Variants in TJP1 observed in about 807,000 individuals in gnomAD.
TJP1 encodes tight junction protein 1.
Under a neutral mutation model 194.2 loss-of-function variants are expected in TJP1, and 43 were observed. The observed-to-expected ratio is 0.22, with a 90% CI of 0.17 to 0.29. The LOEUF is 0.29. TJP1 is among the 10% of genes least tolerant of loss of function. The pLI is 1.00. For missense variants in TJP1, 1,971 were observed against 2,185.7 expected (o/e 0.90, Z 1.96); for synonymous variants, 801 against 779.0 (o/e 1.03, Z -0.47).
chr15:29,764,602 G>A (rs775634858), intron 5 of TJP1, among the ~76,000 whole-genome samples: 3 of 152,056 alleles, frequency 2.0e-5, no homozygotes, highest in Admixed American at 6.6e-5. Context: ...GGATAAGAGT[G>A]GTATTCAGGA....
chr15:29,778,877 T>G (rs1458664816), intron 2 of TJP1, among the ~76,000 whole-genome samples: 2 of 152,176 alleles, frequency 1.3e-5, no homozygotes, highest in East Asian at 3.9e-4. Context: ...CTGGGGCACA[T>G]GTACACACTT....
intron 2 of TJP1, among the ~76,000 whole-genome samples, chr15:29,918,854 C>A (rs141492719): frequency 6.6e-6 from 1 of 152,200 alleles, no homozygotes; most frequent in African/African-American, 2.4e-5. Flanking sequence ...AGATAATAAT[C>A]AATGAAGATG....
chr15:29,801,442 TAG>T (rs753392092), intron 1 of TJP1, among the ~76,000 whole-genome samples: 1 of 150,050 alleles, frequency 6.7e-6, no homozygotes, highest in Non-Finnish European at 1.5e-5. Context: ...AGCCTCTCAA[TAG>T]AGAGGAAAAT....
intron 2 of TJP1, among the ~76,000 whole-genome samples, chr15:29,911,413 T>TA (rs781565677): frequency 6.6e-6 from 1 of 152,180 alleles, no homozygotes; most frequent in Non-Finnish European, 1.5e-5. Context: ...CATGTTTCTA[T>TA]AAAAAACTAC....
chr15:29,811,759 TG>T (rs956039754), intron 1 of TJP1, among the ~76,000 whole-genome samples: 2 of 152,142 alleles, frequency 1.3e-5, no homozygotes, highest in Non-Finnish European at 2.9e-5. Flanking sequence ...ACAGGCTGAT[TG>T]ATCTTTGTCC....
At chr15:29,878,552 A>T (rs1000811960) in intron 2 of TJP1, among the ~76,000 whole-genome samples, 8 of 152,288 alleles carry the variant, frequency 5.3e-5, no homozygotes, top group African/African-American at 1.9e-4. Context: ...CCCATAGTTC[A>T]GTATATGACA....
At chr15:29,966,202 C>T (rs2056326826) in intron 1 of TJP1, among the ~76,000 whole-genome samples, 1 of 152,158 alleles carries the variant, frequency 6.6e-6, no homozygotes, top group African/African-American at 2.4e-5. Context: ...ATTATTCCCA[C>T]ATCTTGATTT....
At chr15:29,961,307 T>TACA (rs2056147363) in intron 1 of TJP1, among the ~76,000 whole-genome samples, 2 of 150,124 alleles carry the variant, frequency 1.3e-5, no homozygotes, top group African/African-American at 4.9e-5. Flanking sequence ...ATATTTAGCT[T>TACA]ACAATGAGGT....
chr15:29,827,472 A>T (rs187088991), upstream of TJP1, among the ~76,000 whole-genome samples: 1 of 152,010 alleles, frequency 6.6e-6, no homozygotes, highest in Non-Finnish European at 1.5e-5. Flanking sequence ...TGGGGATGGG[A>T]TCCTCTCCCT....
intron 3 of TJP1, 124 bp downstream of exon 3, chr15:29,773,109 G>A: frequency 8.6e-7 from 1 of 1,159,274 alleles, no homozygotes; most frequent in Non-Finnish European, 1.2e-6. Context: ...AAAAATATAT[G>A]AAGCATGGCA....
intron 2 of TJP1, among the ~76,000 whole-genome samples, chr15:29,904,996 A>C (rs1455980652): frequency 6.6e-6 from 1 of 152,208 alleles, no homozygotes; most frequent in East Asian, 1.9e-4. Context: ...TGGAACCTTT[A>C]GAGGAAGCAT....
chr15:29,772,292 C>T (rs1383315), intron 3 of TJP1, 126 bp from the exon 4 acceptor site: 478,405 of 580,838 alleles, frequency 0.82, 197,990 homozygotes, highest in East Asian at 0.86. Flanking sequence ...AATTTCTCTT[C>T]AGATCAATGA....
chr15:29,726,840 G>A lies in TJP1; in HGVS notation c.2252C>T (p.Ala751Val). 1.2e-6 allele frequency: 2 copies of A among 1,614,008 alleles called. No individual in the cohort carries two copies. The highest frequency in any genetic ancestry group is 1.7e-6 in the Non-Finnish European group (2 of 1,180,006). ...MRLCPESRKS[A>V]RKLYERSHKL... ...ATGAGATCGCTCGTATAACTTCCTG[G>A]CACTTTTCCGAGATTCTGGACATAA... Residue 751 changes from alanine (A) to valine (V), a missense_variant, in exon 17 of 28, where the codon GCC (alanine) becomes GTC (valine). Physicochemically the swap from Ala to Val is moderately conservative, Grantham distance 64. Around this residue, in one of 5 missense-constraint regions of TJP1, gnomAD observed 402 missense variants for 484.2 expected, o/e 0.83. Coordinates refer to ENST00000614355, the MANE Select transcript of TJP1 (RefSeq NM_001330239.4).
chr15:29,882,205 A>C (rs2052960089), intron 2 of TJP1, among the ~76,000 whole-genome samples: 1 of 152,136 alleles, frequency 6.6e-6, no homozygotes, highest in Admixed American at 6.6e-5. Context: ...CTTCATCAGC[A>C]CACTTACCCC....
At chr15:29,708,501 C>T in intron 25 of TJP1, 58 bp downstream of exon 25, 1 of 1,387,162 alleles carries the variant, frequency 7.2e-7, no homozygotes, top group South Asian at 1.3e-5. Flanking sequence ...TAAACTACAA[C>T]AAACTCACAT....
intron 8 of TJP1, among the ~76,000 whole-genome samples, chr15:29,748,608 T>C (rs2044989902): frequency 1.4e-5 from 2 of 141,948 alleles, no homozygotes; most frequent in Non-Finnish European, 3.0e-5. Context: ...AGGGTCTCAA[T>C]GTTGCCCTGG....
In TJP1 at chr15:29,710,828, T is replaced by C. The variant is rs1335529028; in HGVS notation, c.4372+3A>G. 8.7e-6 allele frequency: 14 copies of C among 1,613,820 alleles called. No individual in the cohort carries two copies. Among genetic ancestry groups the C allele is most frequent in the Non-Finnish European group, 1.2e-5 (14 of 1,180,044 alleles). On this transcript the variant is annotated splice_donor_region_variant and intron_variant, in intron 24 of 27. Transcript: ENST00000614355. ...TTAAAATGTCTACTTCCGAACTTCC[T>C]ACCTTCACCATGTGCTCCCTTAGAA...
intron 2 of TJP1, among the ~76,000 whole-genome samples, chr15:29,843,742 A>G (rs904888054): frequency 2.0e-5 from 3 of 152,156 alleles, no homozygotes; most frequent in African/African-American, 7.2e-5. Context: ...GTGAAGGAGG[A>G]GGATAGGGCA....
At chr15:29,793,578 G>A (rs962360090) in intron 2 of TJP1, among the ~76,000 whole-genome samples, 5 of 152,144 alleles carry the variant, frequency 3.3e-5, no homozygotes, top group Admixed American at 2.6e-4. Flanking sequence ...AGGGCAGAAG[G>A]CAACAGGGGA....
Sources: allele counts gnomAD v4.1 joint callset (sites outside exome capture counted in the v4.1 genomes callset), GRCh38; gene constraint gnomAD v4.1.1; regional missense constraint gnomAD v4.1.1; transcripts MANE v1.5; gene names NCBI Gene and HGNC (gene_info 2026-07-23, HGNC 2026-07-21).